The following ANKRD55 variants were observed in gnomAD, a reference collection of about 807,000 sequenced individuals.
ANKRD55 encodes ankyrin repeat domain 55.
A neutral mutation model predicts 60.6 loss-of-function variants in ANKRD55; 41 were observed. The ratio of observed to expected loss-of-function variants is 0.68; its 90% CI spans 0.53 to 0.88. The LOEUF (loss-of-function observed/expected upper bound fraction) is 0.88, where lower values mean the gene tolerates loss of function less well. Among genes scored for constraint, ANKRD55 ranks in the 40% least tolerant of loss-of-function variants. The probability of loss-of-function intolerance (pLI) is 0.00; values close to 1 mark genes in which losing one functional copy is unlikely to be tolerated. For missense variants in ANKRD55, 732 were observed against 767.6 expected (o/e 0.95, Z 0.55); for synonymous variants, 264 against 290.3 (o/e 0.91, Z 0.92).
intron 5 of ANKRD55, among the ~76,000 whole-genome samples, chr5:56,164,456 T>G (rs1273101146): frequency 6.6e-6 from 1 of 152,082 alleles, no homozygotes; most frequent in East Asian, 1.9e-4. Flanking sequence ...CCCAAGGAAA[T>G]GATTTTCTTC....
chr5:56,225,473 G>T (rs1292992165), intron 2 of ANKRD55, among the ~76,000 whole-genome samples: 10 of 152,198 alleles, frequency 6.6e-5, no homozygotes. Context: ...AGTGTTGGAA[G>T]TTCCGGCCAA....
chr5:56,126,178 A>T (rs1757249078), intron 8 of ANKRD55, among the ~76,000 whole-genome samples: 1 of 151,578 alleles, frequency 6.6e-6, no homozygotes, highest in Non-Finnish European at 1.5e-5. Flanking sequence ...AATAATTACA[A>T]GTAAGGGGCT....
At chr5:56,157,291 TG>T in intron 6 of ANKRD55, among the ~76,000 whole-genome samples, 1 of 151,430 alleles carries the variant, frequency 6.6e-6, no homozygotes, top group East Asian at 1.9e-4. Flanking sequence ...CAAAACACTG[TG>T]GAAGGCCACA....
intron 7 of ANKRD55, among the ~76,000 whole-genome samples, chr5:56,132,197 G>T (rs1757438572): frequency 6.6e-6 from 1 of 151,496 alleles, no homozygotes; most frequent in Admixed American, 6.6e-5. Flanking sequence ...AAACATACTT[G>T]GTATACTCTA....
chr5:56,215,362 G>C (rs1759778055), intron 2 of ANKRD55, among the ~76,000 whole-genome samples: 1 of 152,196 alleles, frequency 6.6e-6, no homozygotes, highest in Non-Finnish European at 1.5e-5. Context: ...TCCAAGGGCA[G>C]ACTGCCATGG....
intron 2 of ANKRD55, among the ~76,000 whole-genome samples, chr5:56,228,720 C>A (rs1168264014): frequency 6.6e-6 from 1 of 152,142 alleles, no homozygotes; most frequent in African/African-American, 2.4e-5. Flanking sequence ...CCACTGCACC[C>A]GGCCTGCTGC....
At chr5:56,221,845 AG>A (rs1228098754) in intron 2 of ANKRD55, among the ~76,000 whole-genome samples, 1 of 152,242 alleles carries the variant, frequency 6.6e-6, no homozygotes, top group African/African-American at 2.4e-5. Flanking sequence ...CAAAGCAGCC[AG>A]GAAGCTCGAA....
chr5:56,202,104 T>C (rs188102376), intron 2 of ANKRD55, among the ~76,000 whole-genome samples: 4 of 152,168 alleles, frequency 2.6e-5, no homozygotes, highest in Admixed American at 2.0e-4. Flanking sequence ...TGAGAACACA[T>C]GGACACATGG....
At chr5:56,115,099 T>C (rs770692577) in intron 9 of ANKRD55, among the ~76,000 whole-genome samples, 7 of 151,524 alleles carry the variant, frequency 4.6e-5, no homozygotes, top group South Asian at 4.2e-4. Flanking sequence ...ACTCAGGAGG[T>C]TGAGGTGAGG....
chr5:56,190,629 G>A (rs1003724627), intron 2 of ANKRD55, among the ~76,000 whole-genome samples: 7 of 152,074 alleles, frequency 4.6e-5, no homozygotes, highest in Non-Finnish European at 1.0e-4. Flanking sequence ...TATAGACTGG[G>A]TAATTTATAA....
At chr5:56,158,935 C>A (rs913919297) in intron 6 of ANKRD55, among the ~76,000 whole-genome samples, 1 of 152,182 alleles carries the variant, frequency 6.6e-6, no homozygotes, top group Non-Finnish European at 1.5e-5. Context: ...TTCAAGTGAG[C>A]CTCCCACCTT....
rs142702450 is a variant in ANKRD55, at chr5:56,143,282, G to T, written c.612+519C>A. On this transcript the variant is annotated intron_variant, in intron 7 of 11. Coordinates refer to ENST00000341048, the MANE Select transcript of ANKRD55 (RefSeq NM_024669.3). ...ATTCTTTCACCTTACTCTTGGTTTT[G>T]CCCTCTCTGGACAATAGATTTCTTG... 3.5e-3 allele frequency among the ~76,000 whole-genome samples: 530 copies of T among 152,246 alleles called. 3 individuals carry two copies. The highest frequency in any genetic ancestry group is 6.3e-3 in the Non-Finnish European group (429 of 68,006).
At chr5:56,220,102 C>A (rs1759923481) in intron 2 of ANKRD55, among the ~76,000 whole-genome samples, 1 of 152,216 alleles carries the variant, frequency 6.6e-6, no homozygotes, top group Non-Finnish European at 1.5e-5. Context: ...AGGGTTGATT[C>A]AGATGTGGTT....
At chr5:56,109,038 A>AACACACACACACACACAC (rs60023559) in intron 10 of ANKRD55, among the ~76,000 whole-genome samples, 2 of 143,878 alleles carry the variant, frequency 1.4e-5, no homozygotes, top group African/African-American at 2.7e-5. Flanking sequence ...TCTGTCTCAA[A>AACACACACACACACACAC]ACACACACAC....
At position 56,153,115 on chromosome 5, in the gene ANKRD55, G is replaced by T. The variant is rs537678852; in HGVS notation, c.483+6718C>A. On this transcript the variant is annotated intron_variant, in intron 6 of 11. Transcript: ENST00000341048. The stretch of plus-strand genomic sequence containing the variant: ...AAAATGACAACCCAATGGATCAATC[G>T]ACAAAGAATGTAAACAGGCAAGTCA... Among the ~76,000 whole-genome samples the T allele has an allele frequency of 2.0e-4, 30 of 151,512 alleles. 1 individual carries two copies. The highest frequency in any genetic ancestry group is 1.4e-3 in the Admixed American group (21 of 15,154).
intron 7 of ANKRD55, among the ~76,000 whole-genome samples, chr5:56,129,052 G>A (rs1757345168): frequency 6.6e-6 from 1 of 152,182 alleles, no homozygotes; most frequent in Non-Finnish European, 1.5e-5. Flanking sequence ...TGCACCCTCA[G>A]GAGAATTTCA....
rs1267820315 is a variant in ANKRD55, at chr5:56,231,653, G to GCGCACA, written c.58+1202_58+1203insTGTGCG. Among the ~76,000 whole-genome samples, 134 of 148,068 alleles carry GCGCACA rather than the reference G, an allele frequency of 9.0e-4. 2 individuals are homozygous for GCGCACA. Among genetic ancestry groups the GCGCACA allele is most frequent in the African/African-American group, 2.8e-3 (112 of 40,190 alleles). ...ATGAGCCGGCACGTTCTGAAGGCGC[G>GCGCACA]CACACACACACACACACACACACAC... On this transcript the variant is annotated intron_variant, in intron 2 of 11. Transcript: ENST00000341048.
intron 8 of ANKRD55, chr5:56,125,522 C>T (rs1346955770): frequency 6.6e-6 from 1 of 152,082 alleles, no homozygotes; most frequent in African/African-American, 2.4e-5. Flanking sequence ...TCAAGTGATC[C>T]ACCCATCTCG....
chr5:56,116,382 G>A (rs1408755201), intron 9 of ANKRD55, among the ~76,000 whole-genome samples: 2 of 152,134 alleles, frequency 1.3e-5, no homozygotes, highest in African/African-American at 4.8e-5. Flanking sequence ...TTAGGCTGAT[G>A]GATTTGGATT....
Sources: gnomAD v4.1 joint callset for allele counts (sites outside exome capture counted in the v4.1 genomes callset) on GRCh38, gnomAD v4.1.1 for gene constraint, MANE v1.5 for transcripts, NCBI Gene and HGNC (gene_info 2026-07-23, HGNC 2026-07-21) for gene names.